PDE4B: variants seen among roughly 807,000 people sequenced by gnomAD.
PDE4B encodes the protein 3',5'-cyclic-AMP phosphodiesterase 4B.
In PDE4B, 20 loss-of-function variants were observed where a neutral mutation model predicts 82.2. The observed-to-expected ratio is 0.24, with a 90% CI of 0.17 to 0.35. The LOEUF (loss-of-function observed/expected upper bound fraction) is 0.35. PDE4B is among the 10% of genes least tolerant of loss of function. The pLI, the probability that PDE4B is intolerant of heterozygous loss-of-function variation, is 1.00. For synonymous variants in PDE4B, 320 were observed against 318.9 expected, an observed-to-expected ratio of 1.00 and a Z score of -0.04; for missense variants, 655 against 907.2, an observed-to-expected ratio of 0.72 and a Z score of 3.57.
chr1:65,813,624 A>AG (rs1252496395), intron 1 of PDE4B, among the ~76,000 whole-genome samples: 1 of 152,136 alleles, frequency 6.6e-6, no homozygotes, highest in African/African-American at 2.4e-5. Flanking sequence ...TTTTCTGAGG[A>AG]GGGGGTCCTC....
rs555810440 is a variant in PDE4B at position 65,876,218 on chromosome 1, C to G, written c.-70-37027C>G. Among the ~76,000 whole-genome samples, 55 of 152,088 alleles carry G rather than the reference C, an allele frequency of 3.6e-4. No homozygotes were observed. In the South Asian group the frequency reaches 7.1e-3, roughly 20 times the overall value. On this transcript the variant is annotated intron_variant, in intron 1 of 16. Transcript: ENST00000341517. The stretch of plus-strand genomic sequence containing the variant: ...TTATTTTATATTTTCTCACTACTCA[C>G]CAATAGATTCACGGTATGCTTTTTA...
At chr1:66,305,120 G>T (rs1267074915) in intron 7 of PDE4B, among the ~76,000 whole-genome samples, 1 of 152,120 alleles carries the variant, frequency 6.6e-6, no homozygotes, top group Non-Finnish European at 1.5e-5. Flanking sequence ...AAGATAATGG[G>T]ATAAGGAGTG....
intron 3 of PDE4B, among the ~76,000 whole-genome samples, chr1:66,205,175 T>A (rs888846316): frequency 2.0e-5 from 3 of 152,154 alleles, no homozygotes; most frequent in Non-Finnish European, 4.4e-5. Context: ...CCAACTGAGG[T>A]CAATAGCCCA....
intron 3 of PDE4B, among the ~76,000 whole-genome samples, chr1:66,058,380 A>G (rs997010486): frequency 6.6e-6 from 1 of 152,176 alleles, no homozygotes; most frequent in Non-Finnish European, 1.5e-5. Context: ...TCTGTTGTCT[A>G]GAGGACGGTG....
chr1:65,837,344 C>T (rs1646151707), intron 1 of PDE4B, among the ~76,000 whole-genome samples: 1 of 152,170 alleles, frequency 6.6e-6, no homozygotes, highest in African/African-American at 2.4e-5. Flanking sequence ...GTAATCCCAG[C>T]ACTTTGGGAG....
rs533522620 is a variant in PDE4B at position 65,851,437 on chromosome 1, C to T, written c.-71+58189C>T. ...TATAGATAAATTTAAAGAGAACTAACGTGAACAATCTTAGTCTTATGATTA... is the reference window on the plus strand; with the variant it reads ...TATAGATAAATTTAAAGAGAACTAATGTGAACAATCTTAGTCTTATGATTA... On this transcript the variant is annotated intron_variant, in intron 1 of 16. Coordinates refer to ENST00000341517, the MANE Select transcript of PDE4B (RefSeq NM_002600.4). Among the ~76,000 whole-genome samples, 8 of 151,922 alleles carry T rather than the reference C, an allele frequency of 5.3e-5. 1 individual carries two copies. The highest frequency in any genetic ancestry group is 4.8e-5 in the African/African-American group (2 of 41,420).
chr1:65,962,919 T>C (rs995696319), intron 3 of PDE4B, among the ~76,000 whole-genome samples: 1 of 152,134 alleles, frequency 6.6e-6, no homozygotes, highest in African/African-American at 2.4e-5. Flanking sequence ...AAAACTGGGT[T>C]GTATGTGGTG....
intron 7 of PDE4B, among the ~76,000 whole-genome samples, chr1:66,302,391 G>C (rs1400915098): frequency 1.3e-5 from 2 of 152,106 alleles, no homozygotes; most frequent in Non-Finnish European, 2.9e-5. Context: ...CTATAAACTG[G>C]TCTTTTGGCT....
intron 3 of PDE4B, among the ~76,000 whole-genome samples, chr1:66,174,073 C>T (rs1350539226): frequency 6.6e-6 from 1 of 152,196 alleles, no homozygotes; most frequent in Non-Finnish European, 1.5e-5. Context: ...AGGTGTCAGC[C>T]ACTGCACCCA....
chr1:66,357,708 C>CA, intron 9 of PDE4B, among the ~76,000 whole-genome samples: 1 of 151,718 alleles, frequency 6.6e-6, no homozygotes, highest in East Asian at 1.9e-4. Context: ...ACAGACTAGA[C>CA]GGGCAGATTA....
chr1:65,998,868 T>TAA (rs5774782), intron 3 of PDE4B, among the ~76,000 whole-genome samples: 39 of 138,554 alleles, frequency 2.8e-4, no homozygotes, highest in African/African-American at 9.6e-4. Context: ...CCTAGTGGGT[T>TAA]AAAAAAAAAA....
At chr1:65,820,875 T>A (rs1442450895) in intron 1 of PDE4B, among the ~76,000 whole-genome samples, 1 of 152,200 alleles carries the variant, frequency 6.6e-6, no homozygotes, top group South Asian at 2.1e-4. Flanking sequence ...AAAGTGAGAT[T>A]AGATGGACAG....
Position 66,013,349 on chromosome 1 carries a change from G to A in PDE4B, c.281+94514G>A, listed in dbSNP as rs186371945. 3.3e-3 allele frequency among the ~76,000 whole-genome samples: 498 copies of A among 152,164 alleles called. 5 individuals are homozygous for A. Among genetic ancestry groups the A allele is most frequent in the African/African-American group, 0.011 (456 of 41,530 alleles). On this transcript the variant is annotated intron_variant, in intron 3 of 16. Coordinates refer to ENST00000341517, the MANE Select transcript of PDE4B (RefSeq NM_002600.4). ...TCATTCAGAAGTGTCAATGGATCCC[G>A]TTATCCAAGGATAACCTATATTTAA...
chr1:66,230,621 A>G (rs1039473071), intron 3 of PDE4B, among the ~76,000 whole-genome samples: 2 of 152,244 alleles, frequency 1.3e-5, no homozygotes, highest in African/African-American at 4.8e-5. Flanking sequence ...GCGCATCACA[A>G]AGACCGTTAG....
chr1:65,952,427 T>G (rs1449320657), intron 3 of PDE4B, among the ~76,000 whole-genome samples: 2 of 152,134 alleles, frequency 1.3e-5, no homozygotes, highest in Non-Finnish European at 2.9e-5. Context: ...ATGCCTGTAA[T>G]CCCAGCACTT....
chr1:65,961,373 A>G (rs960473575), intron 3 of PDE4B, among the ~76,000 whole-genome samples: 5 of 152,184 alleles, frequency 3.3e-5, no homozygotes, highest in Non-Finnish European at 5.9e-5. Context: ...AAATGGCAGG[A>G]AAGCTATGGT....
chr1:66,269,703 T>C (rs1229895092), intron 7 of PDE4B, among the ~76,000 whole-genome samples: 1 of 152,186 alleles, frequency 6.6e-6, no homozygotes, highest in East Asian at 1.9e-4. Context: ...TTCCATCCTA[T>C]CCTTTGCTCT....
intron 1 of PDE4B, among the ~76,000 whole-genome samples, chr1:65,899,708 G>A (rs190690264): frequency 6.7e-6 from 1 of 149,740 alleles, no homozygotes. Context: ...GCCATAAAAA[G>A]GAATGAATTA....
intron 3 of PDE4B, among the ~76,000 whole-genome samples, chr1:65,966,451 T>TA (rs1468165635): frequency 2.0e-5 from 3 of 152,130 alleles, no homozygotes; most frequent in African/African-American, 7.2e-5. Context: ...AGAATCAATA[T>TA]CATGAAAATG....
Sources: gnomAD v4.1 joint callset for allele counts (sites outside exome capture counted in the v4.1 genomes callset) on GRCh38, gnomAD v4.1.1 for gene constraint, MANE v1.5 for transcripts, NCBI Gene and HGNC (gene_info 2026-07-23, HGNC 2026-07-21) for gene names.